The following UBLCP1 variants were observed in gnomAD, a reference collection of about 807,000 sequenced individuals.
UBLCP1 encodes ubiquitin-like domain-containing CTD phosphatase 1.
UBLCP1 carries 28 observed loss-of-function variants against 42.4 expected under a neutral mutation model. The ratio of observed to expected loss-of-function variants is 0.66; its 90% CI spans 0.49 to 0.90. The LOEUF (loss-of-function observed/expected upper bound fraction) is 0.90, where lower values mean the gene tolerates loss of function less well. Among genes scored for constraint, UBLCP1 ranks in the 40% least tolerant of loss-of-function variants. The probability of loss-of-function intolerance (pLI) is 0.00; values close to 1 mark genes in which losing one functional copy is unlikely to be tolerated. For missense variants in UBLCP1, 279 were observed against 374.5 expected (o/e 0.75, Z 2.10); for synonymous variants, 122 against 120.8 (o/e 1.01, Z -0.07).
At position 159,275,295 on chromosome 5, in the gene UBLCP1, G is replaced by C. The variant is rs368924134; in HGVS notation, c.684+49G>C. ...TTAATGACACCATGGTTATTTTCCAGTGTACTTTTTATGTTTATACCTATG... is the reference window on the plus strand; with the variant it reads ...TTAATGACACCATGGTTATTTTCCACTGTACTTTTTATGTTTATACCTATG... On this transcript the variant is annotated intron_variant, in intron 8 of 10. Coordinates refer to ENST00000296786, the MANE Select transcript of UBLCP1 (RefSeq NM_145049.5). 5.1e-5 allele frequency: 75 copies of C among 1,470,608 alleles called. No individual in the cohort carries two copies. The African/African-American group carries it at 9.2e-4, about 18-fold the overall frequency. The allele number at this position is 1,470,608 out of a possible 1,614,324, so 91.1% of individuals were successfully genotyped here. A position where few individuals can be genotyped will look rare whatever the true frequency, so the allele number is the denominator to read the frequency against.
rs796108455 is a variant in UBLCP1, at chr5:159,272,016, C to A, written c.449-7C>A. 1 of 1,604,226 alleles carries A rather than the reference C, an allele frequency of 6.2e-7. No individual in the cohort carries two copies. Among genetic ancestry groups the A allele is most frequent in the East Asian group, 2.2e-5 (1 of 44,742 alleles). On this transcript the variant is annotated splice_region_variant and splice_polypyrimidine_tract_variant and intron_variant, in intron 5 of 10. Transcript: ENST00000296786. ...CTAATAATTATTTATGATCAATTTT[C>A]TTTTAGACCACAGGTCTTGTGCAGA...
chr5:159,270,331 G>A, intron 3 of UBLCP1, 29 bp from the exon 4 acceptor site: 2 of 1,552,562 alleles, frequency 1.3e-6, no homozygotes, highest in Non-Finnish European at 1.8e-6. Context: ...GGATAATATG[G>A]TAGAACAAAA....
At chr5:159,265,897 T>C (rs1753385641) in intron 1 of UBLCP1, among the ~76,000 whole-genome samples, 5 of 152,176 alleles carry the variant, frequency 3.3e-5, no homozygotes, top group African/African-American at 7.2e-5. Context: ...TTGGCCAGGC[T>C]GGTCTTGAAC....
chr5:159,275,757 A>C (rs1318383755), intron 8 of UBLCP1, among the ~76,000 whole-genome samples: 1 of 152,198 alleles, frequency 6.6e-6, no homozygotes, highest in African/African-American at 2.4e-5. Flanking sequence ...GGGATCTTGA[A>C]GTAGGACTGT....
intron 9 of UBLCP1, among the ~76,000 whole-genome samples, chr5:159,278,709 A>G (rs191133548): frequency 7.9e-5 from 12 of 152,164 alleles, no homozygotes; most frequent in African/African-American, 2.2e-4. Flanking sequence ...AGTAGCTAGG[A>G]TTACAGGCAC....
chr5:159,270,481 A>T lies in UBLCP1; in HGVS notation c.332+36A>T, dbSNP rs367917330. On this transcript the variant is annotated intron_variant, in intron 4 of 10. Transcript: ENST00000296786. ...TTCGCTTTAGAAGTAATCAGTTGTC[A>T]TGTGAGAACAAGTGAATATTTTATC... 5.0e-6 allele frequency: 8 copies of T among 1,605,070 alleles called. No individual in the cohort carries two copies. In the African/African-American group the frequency reaches 9.4e-5, roughly 19 times the overall value.
chr5:159,285,196 C>CCACACA lies in UBLCP1; in HGVS notation c.*308_*313dup, dbSNP rs70987962. ...GGTTACTGACCACCCCACCCTCCCA[C>CCACACA]CACACACACACACACACACACACAC... is the stretch of plus-strand genomic sequence containing the variant. On this transcript the variant is annotated 3_prime_UTR_variant, in exon 11 of 11. Transcript: ENST00000296786. The CCACACA allele has an allele frequency of 0.015, 3,844 of 251,874 alleles. 143 individuals are homozygous for CCACACA. The highest frequency in any genetic ancestry group is 0.035 in the African/African-American group (1,063 of 30,710). 15.6% of individuals were successfully genotyped at this position (251,874 alleles called of 1,614,324 possible).
At chr5:159,271,300 A>C (rs1376898359) in intron 5 of UBLCP1, among the ~76,000 whole-genome samples, 1 of 151,932 alleles carries the variant, frequency 6.6e-6, no homozygotes, top group African/African-American at 2.4e-5. Flanking sequence ...ATCTCTAATA[A>C]AAACTAAAAA....
At chr5:159,275,941 G>A (rs1753531094) in intron 8 of UBLCP1, among the ~76,000 whole-genome samples, 1 of 152,170 alleles carries the variant, frequency 6.6e-6, no homozygotes, top group Non-Finnish European at 1.5e-5. Flanking sequence ...GCATCATGAT[G>A]CATGTACTTT....
chr5:159,266,690 G>A (rs1753397960), intron 1 of UBLCP1, among the ~76,000 whole-genome samples: 1 of 152,156 alleles, frequency 6.6e-6, no homozygotes, highest in African/African-American at 2.4e-5. Flanking sequence ...GGTTTCGTGG[G>A]CCCGGCCCAG....
intron 10 of UBLCP1, 54 bp from the exon 11 acceptor site, chr5:159,284,850 T>C (rs1277729682): frequency 1.9e-6 from 3 of 1,594,104 alleles, no homozygotes; most frequent in African/African-American, 2.7e-5. Context: ...AGTTAGGTTA[T>C]CTTCATGAAT....
In UBLCP1 at chr5:159,268,975, A is replaced by G. The variant is rs1175319949; in HGVS notation, c.60A>G (p.Ser20=). Residue 20 remains serine (S), a synonymous_variant, in exon 2 of 11, where the codon TCA becomes TCG. Transcript: ENST00000296786. The part of the protein sequence containing the change: ...GGQEYSVTTL[S]EDDTVLDLKQ... The stretch of plus-strand genomic sequence containing the variant: ...AGGAGTATTCAGTGACCACACTTTC[A>G]GAAGATGATACTGTGCTCGATCTCA... The G allele has an allele frequency of 1.2e-6, 2 of 1,612,320 alleles. No homozygotes were observed. Among genetic ancestry groups the G allele is most frequent in the Non-Finnish European group, 1.7e-6 (2 of 1,179,350 alleles).
intron 9 of UBLCP1, among the ~76,000 whole-genome samples, chr5:159,279,392 G>A (rs754798396): frequency 6.6e-6 from 1 of 152,146 alleles, no homozygotes; most frequent in Non-Finnish European, 1.5e-5. Context: ...TTACATGTTG[G>A]CGCAATATGA....
chr5:159,265,443 T>C (rs1488274976), intron 1 of UBLCP1, among the ~76,000 whole-genome samples: 1 of 152,194 alleles, frequency 6.6e-6, no homozygotes, highest in Non-Finnish European at 1.5e-5. Context: ...GACATATGTT[T>C]GGTTATTTAC....
chr5:159,280,163 C>T (rs1753591284), intron 9 of UBLCP1, among the ~76,000 whole-genome samples: 2 of 152,212 alleles, frequency 1.3e-5, no homozygotes. Flanking sequence ...AGACACTCCA[C>T]AGGCTGTCCT....
intron 1 of UBLCP1, among the ~76,000 whole-genome samples, chr5:159,268,407 A>G (rs1753423094): frequency 6.6e-6 from 1 of 152,228 alleles, no homozygotes; most frequent in Non-Finnish European, 1.5e-5. Flanking sequence ...GGAAACCTAG[A>G]CACTGAGAGT....
chr5:159,275,219 A>G lies in UBLCP1; in HGVS notation c.657A>G (p.Val219=). Residue 219 remains valine, a synonymous_variant, in exon 8 of 11, where the codon GTA becomes GTG. Transcript: ENST00000296786. ...TGGATAGTGCTGCTATGATAACAGTACATACTCCAAGGAGAGGATTAATAG... is the reference window on the plus strand; with the variant it reads ...TGGATAGTGCTGCTATGATAACAGTGCATACTCCAAGGAGAGGATTAATAG... ...FMLDSAAMIT[V]HTPRRGLIDV... 6.2e-7 allele frequency: 1 copy of G among 1,612,998 alleles called. No homozygotes were observed. Among genetic ancestry groups the G allele is most frequent in the Middle Eastern group, 1.7e-4 (1 of 5,814 alleles).
intron 7 of UBLCP1, 65 bp downstream of exon 7, chr5:159,274,687 T>C: frequency 7.0e-7 from 1 of 1,432,302 alleles, no homozygotes; most frequent in Non-Finnish European, 9.7e-7. Flanking sequence ...TTAAAAGTTC[T>C]AGAACTGAAT....
At chr5:159,281,112 A>C (rs140808203) in intron 9 of UBLCP1, among the ~76,000 whole-genome samples, 1 of 152,322 alleles carries the variant, frequency 6.6e-6, no homozygotes, top group East Asian at 1.9e-4. Context: ...TAGAACCAGA[A>C]TCATTAGAAT....
Sources: allele counts gnomAD v4.1 joint callset (sites outside exome capture counted in the v4.1 genomes callset), GRCh38; gene constraint gnomAD v4.1.1; transcripts MANE v1.5; gene names NCBI Gene and HGNC (gene_info 2026-07-23, HGNC 2026-07-21).